The following PRKCQ variants were observed in gnomAD, a reference collection of about 807,000 sequenced individuals.
PRKCQ encodes the protein protein kinase C theta type.
PRKCQ carries 41 observed loss-of-function variants against 91.2 expected under a neutral mutation model. That is an observed-to-expected ratio of 0.45 (90% CI 0.35 to 0.58). The LOEUF is 0.58. PRKCQ is among the 20% of genes least tolerant of loss of function. The probability of loss-of-function intolerance (pLI) is 0.00; values close to 1 mark genes in which losing one functional copy is unlikely to be tolerated. For missense variants in PRKCQ, 673 were observed against 896.5 expected, an observed-to-expected ratio of 0.75 and a Z score of 3.18; for synonymous variants, 307 against 316.9, an observed-to-expected ratio of 0.97 and a Z score of 0.33.
chr10:6,506,281 A>T (rs753485688), intron 4 of PRKCQ, among the ~76,000 whole-genome samples: 1 of 152,184 alleles, frequency 6.6e-6, no homozygotes, highest in Admixed American at 6.5e-5. Flanking sequence ...ACTATAATCA[A>T]TTTTCATATA....
At position 6,441,786 on chromosome 10, in the gene PRKCQ, T is replaced by C. The variant is rs1379880579; in HGVS notation, c.1836+107A>G. ...CACATCCCATTTAAACCCAGTTCAA[T>C]AATAATCATTGTTTGCCACATGCAA... is the stretch of plus-strand genomic sequence containing the variant. On this transcript the variant is annotated intron_variant, in intron 16 of 17. Coordinates refer to ENST00000263125, the MANE Select transcript of PRKCQ (RefSeq NM_006257.5). 5 of 1,176,572 alleles carry C rather than the reference T, an allele frequency of 4.2e-6. No individual in the cohort carries two copies. The African/African-American group carries it at 7.7e-5, about 18-fold the overall frequency. The allele number at this position is 1,176,572 out of a possible 1,614,324, so 72.9% of individuals were successfully genotyped here.
chr10:6,444,482 A>G (rs1353961981), intron 15 of PRKCQ, among the ~76,000 whole-genome samples: 1 of 152,178 alleles, frequency 6.6e-6, no homozygotes, highest in Admixed American at 6.5e-5. Context: ...ATTTTTTTTA[A>G]TGGAAAAGAG....
At chr10:6,477,596 G>A (rs1588721044) in intron 12 of PRKCQ, among the ~76,000 whole-genome samples, 1 of 152,230 alleles carries the variant, frequency 6.6e-6, no homozygotes, top group Non-Finnish European at 1.5e-5. Context: ...GGCTGGGTGC[G>A]TTGGCTCACG....
At chr10:6,469,331 G>GA (rs145252145) in intron 12 of PRKCQ, among the ~76,000 whole-genome samples, 2,799 of 152,310 alleles carry the variant, frequency 0.018, 48 homozygotes, top group Non-Finnish European at 0.029. Context: ...GCCATATCGG[G>GA]AAAGTCTCCT....
chr10:6,404,649 CTTTT>C, the PRKCQ span, among the ~76,000 whole-genome samples: 107 of 132,346 alleles, frequency 8.1e-4, 2 homozygotes, highest in Admixed American at 4.8e-4. Context: ...CCTTTCTTTC[CTTTT>C]TTCTCTTTTT....
At chr10:6,471,966 A>C (rs780303125) in intron 12 of PRKCQ, among the ~76,000 whole-genome samples, 1 of 152,222 alleles carries the variant, frequency 6.6e-6, no homozygotes, top group African/African-American at 2.4e-5. Flanking sequence ...GCCTGGAAGA[A>C]TATTACAGAG....
In PRKCQ at chr10:6,511,090, T is replaced by C; in HGVS notation, c.223A>G (p.Lys75Glu). The change falls in exon 3 of 18, where the codon AAA becomes GAA. Residue 75 changes from lysine to glutamate, a missense_variant. Physicochemically the swap from Lys to Glu is moderately conservative, Grantham distance 56. Transcript: ENST00000263125. ...NKGRVMQIIV[K>E]GKNVDLISET... ...GAGATGAGGTCCACGTTTTTGCCTT[T>C]CACAATGATCTGCATGACTCTTCCC... 4 of 1,614,176 alleles carry C rather than the reference T, an allele frequency of 2.5e-6. No homozygotes were observed. The highest frequency in any genetic ancestry group is 3.4e-6 in the Non-Finnish European group (4 of 1,180,028).
In PRKCQ at chr10:6,497,022, T is replaced by C; in HGVS notation, c.660+13A>G. On this transcript the variant is annotated intron_variant, in intron 7 of 17. Coordinates refer to ENST00000263125, the MANE Select transcript of PRKCQ (RefSeq NM_006257.5). This position sits in a 1 kb window ranked among gnomAD's most constrained non-coding sequence, Gnocchi z 4.5. ...AAAATCACTGCACGTCAAAGAGGAG[T>C]GTAAATACTCACCATGGTTTCTCGG... 6.2e-7 allele frequency: 1 copy of C among 1,607,150 alleles called. No individual in the cohort carries two copies. The highest frequency in any genetic ancestry group is 1.1e-5 in the South Asian group (1 of 90,900).
At chr10:6,557,661 AC>A (rs1223583664) in intron 1 of PRKCQ, among the ~76,000 whole-genome samples, 1 of 152,214 alleles carries the variant, frequency 6.6e-6, no homozygotes, top group Admixed American at 6.5e-5. Context: ...TCTTTCTTGA[AC>A]TATACATTCA....
In PRKCQ at chr10:6,490,474, C is replaced by T. The variant is rs529693920; in HGVS notation, c.790+1209G>A. On this transcript the variant is annotated intron_variant, in intron 8 of 17. Coordinates refer to ENST00000263125, the MANE Select transcript of PRKCQ (RefSeq NM_006257.5). ...GGCATGGTGACTCACTCCTGTAATC[C>T]TAGCACTTTTGGAGGCTGAGGAGAC... Among the ~76,000 whole-genome samples, 16 of 151,196 alleles carry T rather than the reference C, an allele frequency of 1.1e-4. No individual in the cohort carries two copies. In the South Asian group the frequency reaches 2.3e-3, roughly 22 times the overall value.
intron 1 of PRKCQ, among the ~76,000 whole-genome samples, chr10:6,575,779 C>A (rs1012000200): frequency 6.6e-6 from 1 of 152,190 alleles, no homozygotes; most frequent in African/African-American, 2.4e-5. Context: ...CGGTGGCTCA[C>A]GCCTGTAATC....
chr10:6,419,711 CAG>C, the PRKCQ span, among the ~76,000 whole-genome samples: 1 of 118,260 alleles, frequency 8.5e-6, no homozygotes, highest in African/African-American at 3.0e-5. Context: ...TTTTTTGAGA[CAG>C]AGTCTTGTTC....
At chr10:6,404,255 G>A in the PRKCQ span, among the ~76,000 whole-genome samples, 38 of 34,364 alleles carry the variant, frequency 1.1e-3, no homozygotes, top group South Asian at 3.3e-3. Flanking sequence ...GAAGGGGGGG[G>A]GAGAGAGAGA....
intron 1 of PRKCQ, among the ~76,000 whole-genome samples, chr10:6,516,975 C>A (rs1436450651): frequency 2.0e-5 from 3 of 152,148 alleles, no homozygotes; most frequent in Non-Finnish European, 2.9e-5. Context: ...GGCCGTTTCA[C>A]CAGATTCACT....
At chr10:6,478,871 ACACCGAAATGTAAGATAAATATGGAG>A in intron 12 of PRKCQ, 95 bp downstream of exon 12, 1 of 1,145,808 alleles carries the variant, frequency 8.7e-7, no homozygotes, top group Non-Finnish European at 1.2e-6. Context: ...GATGGCAGGT[ACACCGAAATGTAAGATAAATATGGAG>A]GCAATGACTC....
chr10:6,419,685 C>CTTTTT, the PRKCQ span, among the ~76,000 whole-genome samples: 1 of 108,006 alleles, frequency 9.3e-6, no homozygotes. Context: ...CTGAAATCTC[C>CTTTTT]TTTTTTTTTT....
At chr10:6,404,536 CCCTT>C in the PRKCQ span, among the ~76,000 whole-genome samples, 4 of 145,710 alleles carry the variant, frequency 2.7e-5, no homozygotes, top group Non-Finnish European at 6.1e-5. Context: ...TTCCTTCCTT[CCCTT>C]CCTTCCTTAC....
chr10:6,479,939 G>A lies in PRKCQ; in HGVS notation c.1180-774C>T, dbSNP rs550324937. The stretch of plus-strand genomic sequence containing the variant: ...TGCACTCCAGCCTGGGCGTCAGAGT[G>A]AGACTGTGTCTCAAAATAAAAAAAA... On this transcript the variant is annotated intron_variant, in intron 11 of 17. Transcript: ENST00000263125. Among the ~76,000 whole-genome samples, 445 of 152,006 alleles carry A rather than the reference G, an allele frequency of 2.9e-3. 2 individuals carry two copies. The highest frequency in any genetic ancestry group is 0.01 in the African/African-American group (425 of 41,430).
At chr10:6,434,975 C>T (rs964595851) in intron 16 of PRKCQ, among the ~76,000 whole-genome samples, 10 of 152,024 alleles carry the variant, frequency 6.6e-5, no homozygotes, top group African/African-American at 1.5e-4. Flanking sequence ...AGTGCAGTGG[C>T]GCGATCTCGG....
Sources: allele counts gnomAD v4.1 joint callset (sites outside exome capture counted in the v4.1 genomes callset), GRCh38; gene constraint gnomAD v4.1.1; non-coding constraint Gnocchi (gnomAD v3.1); transcripts MANE v1.5; gene names NCBI Gene and HGNC (gene_info 2026-07-23, HGNC 2026-07-21).